DYM: variants seen among roughly 807,000 people sequenced by gnomAD.
The protein encoded by DYM is dymeclin.
A neutral mutation model predicts 93.1 loss-of-function variants in DYM; 78 were observed. The observed-to-expected ratio is 0.84, with a 90% CI of 0.70 to 1.01. The LOEUF is 1.01. Ranked by LOEUF, DYM falls within the 50% of genes least tolerant of loss-of-function variation. The pLI, the probability that DYM is intolerant of heterozygous loss-of-function variation, is 0.00. For synonymous variants in DYM, 321 were observed against 319.7 expected (o/e 1.00, Z -0.04); for missense variants, 789 against 845.0 (o/e 0.93, Z 0.82).
At chr18:49,432,931 C>A (rs954610686) in intron 1 of DYM, among the ~76,000 whole-genome samples, 1 of 152,108 alleles carries the variant, frequency 6.6e-6, no homozygotes, top group Non-Finnish European at 1.5e-5. Flanking sequence ...AAATCTATAG[C>A]TTTTCAAGCT....
intron 15 of DYM, among the ~76,000 whole-genome samples, chr18:49,139,348 T>C (rs1600073161): frequency 6.6e-6 from 1 of 152,284 alleles, no homozygotes; most frequent in South Asian, 2.1e-4. Context: ...AAATAATGTG[T>C]ACTATTATTT....
At chr18:49,215,785 T>C (rs1013466827) in intron 13 of DYM, among the ~76,000 whole-genome samples, 1 of 152,236 alleles carries the variant, frequency 6.6e-6, no homozygotes, top group East Asian at 1.9e-4. Context: ...GATGGCCGAA[T>C]AGGAACAGCT....
chr18:49,413,717 G>A lies in DYM; in HGVS notation c.140+16538C>T, dbSNP rs550572368. ...ACATCATGGATTATGAACTTTGAAG[G>A]CATTATACTAGGCCAGGCACAGTGG... On this transcript the variant is annotated intron_variant, in intron 2 of 17. Coordinates refer to ENST00000675505, the MANE Select transcript of DYM (RefSeq NM_001353214.3). Among the ~76,000 whole-genome samples the A allele has an allele frequency of 5.9e-5, 9 of 152,206 alleles. No homozygotes were observed. In the South Asian group the frequency reaches 6.2e-4, roughly 11 times the overall value.
At chr18:49,163,576 C>T in intron 15 of DYM, 109 bp downstream of exon 15, 1 of 719,354 alleles carries the variant, frequency 1.4e-6, no homozygotes, top group East Asian at 3.1e-5. Context: ...GAACTCCCGA[C>T]CAAGTGATCC....
intron 8 of DYM, among the ~76,000 whole-genome samples, chr18:49,308,054 T>C (rs2061373787): frequency 6.6e-6 from 1 of 152,148 alleles, no homozygotes; most frequent in African/African-American, 2.4e-5. Context: ...CAAAATAAAA[T>C]GACATTACTT....
intron 13 of DYM, among the ~76,000 whole-genome samples, chr18:49,227,299 A>G (rs1227105444): frequency 6.6e-6 from 1 of 152,188 alleles, no homozygotes; most frequent in Non-Finnish European, 1.5e-5. Context: ...CAGTGAAGTT[A>G]GATAATCTGG....
intron 17 of DYM, among the ~76,000 whole-genome samples, chr18:49,069,130 G>A (rs565406676): frequency 5.9e-5 from 9 of 152,304 alleles, no homozygotes; most frequent in East Asian, 3.9e-4. Context: ...GGGATGATGC[G>A]TGAGTTAAAT....
At chr18:49,396,130 G>A (rs560154877) in intron 2 of DYM, among the ~76,000 whole-genome samples, 1 of 152,284 alleles carries the variant, frequency 6.6e-6, no homozygotes, top group African/African-American at 2.4e-5. Context: ...CTCATCAGAT[G>A]CAGATGCTGG....
rs1198753739 is a variant in DYM at position 49,171,062 on chromosome 18, G to A, written c.1626-7275C>T. 2.6e-5 allele frequency among the ~76,000 whole-genome samples: 4 copies of A among 152,260 alleles called. No individual in the cohort carries two copies. In the East Asian group the frequency reaches 7.7e-4, roughly 29 times the overall value. ...ACGAAGTCACTGGATTTGGCACAAGGAAACAAATCAGTGGTGACTTTATCC... is the reference window on the plus strand; with the variant it reads ...ACGAAGTCACTGGATTTGGCACAAGAAAACAAATCAGTGGTGACTTTATCC... On this transcript the variant is annotated intron_variant, in intron 14 of 17. Coordinates refer to ENST00000675505, the MANE Select transcript of DYM (RefSeq NM_001353214.3).
chr18:49,364,565 A>C (rs976591018), intron 5 of DYM, among the ~76,000 whole-genome samples: 1 of 152,174 alleles, frequency 6.6e-6, no homozygotes, highest in African/African-American at 2.4e-5. Context: ...TTGCAATCAG[A>C]CAGAGCTAAC....
intron 17 of DYM, among the ~76,000 whole-genome samples, chr18:49,052,815 G>A (rs2075133183): frequency 6.6e-6 from 1 of 152,192 alleles, no homozygotes; most frequent in East Asian, 1.9e-4. Context: ...GCTCTGGGAA[G>A]GCAGAGGAGG....
At chr18:49,138,374 A>T (rs2084083035) in intron 15 of DYM, among the ~76,000 whole-genome samples, 2 of 152,232 alleles carry the variant, frequency 1.3e-5, no homozygotes, top group African/African-American at 4.8e-5. Context: ...CTGCACACAC[A>T]AAAAACCACA....
At chr18:49,260,558 T>G (rs2145230130) in intron 11 of DYM, among the ~76,000 whole-genome samples, 1 of 151,984 alleles carries the variant, frequency 6.6e-6, no homozygotes, top group South Asian at 2.1e-4. Context: ...CATTCAACAT[T>G]CCAAGAAAAA....
intron 8 of DYM, among the ~76,000 whole-genome samples, chr18:49,301,112 G>A (rs1028032929): frequency 6.6e-6 from 1 of 152,166 alleles, no homozygotes; most frequent in African/African-American, 2.4e-5. Context: ...TGAAAAAGAA[G>A]ATTTCAAATT....
At chr18:49,185,339 C>T (rs1164314163) in intron 14 of DYM, among the ~76,000 whole-genome samples, 1 of 152,188 alleles carries the variant, frequency 6.6e-6, no homozygotes, top group East Asian at 1.9e-4. Context: ...CTAAAAATTA[C>T]ATCTTTAAGA....
chr18:49,284,148 T>C (rs938462776), intron 9 of DYM, among the ~76,000 whole-genome samples: 4 of 152,180 alleles, frequency 2.6e-5, no homozygotes, highest in African/African-American at 9.7e-5. Flanking sequence ...GTATTATACC[T>C]GACTGCAAAG....
At chr18:49,358,553 A>G (rs939600620) in intron 6 of DYM, among the ~76,000 whole-genome samples, 2 of 152,218 alleles carry the variant, frequency 1.3e-5, no homozygotes, top group African/African-American at 4.8e-5. Flanking sequence ...ATACCTTACG[A>G]AAAAAACTAC....
At chr18:49,382,639 C>G (rs1599804213) in intron 3 of DYM, among the ~76,000 whole-genome samples, 1 of 149,544 alleles carries the variant, frequency 6.7e-6, no homozygotes, top group African/African-American at 2.5e-5. Context: ...AAGTTCAAAT[C>G]TCAGTTCCAC....
At chr18:49,418,809 C>G (rs1009130507) in intron 2 of DYM, among the ~76,000 whole-genome samples, 1 of 152,140 alleles carries the variant, frequency 6.6e-6, no homozygotes. Context: ...ACCTCAAAGC[C>G]TACTCAGTCC....
Sources: allele counts gnomAD v4.1 joint callset (sites outside exome capture counted in the v4.1 genomes callset), GRCh38; gene constraint gnomAD v4.1.1; transcripts MANE v1.5; gene names NCBI Gene and HGNC (gene_info 2026-07-23, HGNC 2026-07-21).